The following RPRD1B variants were observed in gnomAD, a reference collection of about 807,000 sequenced individuals.
RPRD1B encodes regulation of nuclear pre-mRNA domain-containing protein 1B.
In RPRD1B, 11 loss-of-function variants were observed where a neutral mutation model predicts 41.5. The observed-to-expected ratio is 0.27, with a 90% CI of 0.17 to 0.44. The LOEUF is 0.44. Among genes scored for constraint, RPRD1B ranks in the 20% least tolerant of loss-of-function variants. The pLI is 1.00. For synonymous variants in RPRD1B, 158 were observed against 155.6 expected, an observed-to-expected ratio of 1.02 and a Z score of -0.12; for missense variants, 248 against 389.9, an observed-to-expected ratio of 0.64 and a Z score of 3.06.
rs114940492 is a variant in RPRD1B, at chr20:38,050,088, C to T, written c.415+1607C>T. ...CTTGTCTGGGCCCATGTGGTCATTC[C>T]CTCCTTGTTCTCTGGTACTTTATAC... On this transcript the variant is annotated intron_variant, in intron 3 of 6. Transcript: ENST00000373433. Among the ~76,000 whole-genome samples, 1,379 of 152,292 alleles carry T rather than the reference C, an allele frequency of 9.1e-3. 16 individuals are homozygous for T. The highest frequency in any genetic ancestry group is 0.03 in the African/African-American group (1,261 of 41,530).
intron 5 of RPRD1B, among the ~76,000 whole-genome samples, chr20:38,063,794 G>A (rs971952033): frequency 6.6e-6 from 1 of 152,214 alleles, no homozygotes; most frequent in Non-Finnish European, 1.5e-5. Flanking sequence ...AAGGAGAGCA[G>A]GGAGCGTGAG....
At chr20:38,082,673 C>T (rs1440972563) in intron 6 of RPRD1B, among the ~76,000 whole-genome samples, 1 of 152,202 alleles carries the variant, frequency 6.6e-6, no homozygotes, top group Admixed American at 6.5e-5. Flanking sequence ...AGGCGTGAGC[C>T]ACCACGCCCG....
At chr20:38,038,814 TA>T (rs2074033420) in intron 1 of RPRD1B, among the ~76,000 whole-genome samples, 3 of 152,168 alleles carry the variant, frequency 2.0e-5, no homozygotes, top group Admixed American at 2.0e-4. Flanking sequence ...AGCTACATTT[TA>T]AAATGTCAGA....
intron 4 of RPRD1B, among the ~76,000 whole-genome samples, chr20:38,059,104 T>TC (rs2074271712): frequency 6.6e-6 from 1 of 152,130 alleles, no homozygotes; most frequent in Admixed American, 6.6e-5. Context: ...TGAACCAAAC[T>TC]CCATTGTTTT....
chr20:38,070,789 A>G (rs902675612), intron 6 of RPRD1B: 182 of 915,930 alleles, frequency 2.0e-4, no homozygotes, highest in Non-Finnish European at 2.3e-4. Context: ...GCCCAGGGCT[A>G]GAGTGCAGTA....
chr20:38,086,689 T>G (rs1010577517), intron 6 of RPRD1B, among the ~76,000 whole-genome samples: 4 of 152,192 alleles, frequency 2.6e-5, no homozygotes, highest in African/African-American at 9.6e-5. Flanking sequence ...CCCTCTTTCT[T>G]TCTCTAGTGA....
At chr20:38,070,260 C>T (rs1482592501) in intron 6 of RPRD1B, 1 of 985,136 alleles carries the variant, frequency 1.0e-6, no homozygotes, top group Non-Finnish European at 1.2e-6. Flanking sequence ...GATGTTGGCC[C>T]TTAAACACCA....
At chr20:38,058,934 G>A (rs539064906) in intron 4 of RPRD1B, among the ~76,000 whole-genome samples, 1 of 151,984 alleles carries the variant, frequency 6.6e-6, no homozygotes, top group African/African-American at 2.4e-5. Context: ...GGCTGGTCTC[G>A]AACTCCTGGG....
intron 1 of RPRD1B, among the ~76,000 whole-genome samples, chr20:38,037,461 T>C (rs2074014631): frequency 6.6e-6 from 1 of 152,236 alleles, no homozygotes; most frequent in African/African-American, 2.4e-5. Context: ...ACAACTAGTT[T>C]GACCAGTTTG....
At chr20:38,045,581 A>T (rs2074112851) in intron 2 of RPRD1B, among the ~76,000 whole-genome samples, 1 of 152,310 alleles carries the variant, frequency 6.6e-6, no homozygotes, top group South Asian at 2.1e-4. Context: ...TTGTGGTTAT[A>T]ACAGGTTTGA....
At chr20:38,075,304 T>A (rs922204386) in intron 6 of RPRD1B, among the ~76,000 whole-genome samples, 1 of 152,258 alleles carries the variant, frequency 6.6e-6, no homozygotes, top group African/African-American at 2.4e-5. Context: ...CTATACAAGT[T>A]AAGGATTAGT....
intron 3 of RPRD1B, among the ~76,000 whole-genome samples, chr20:38,051,477 C>T (rs978389860): frequency 1.3e-5 from 2 of 152,170 alleles, no homozygotes; most frequent in Non-Finnish European, 2.9e-5. Context: ...TAGATCCTTA[C>T]AACTACTCTG....
In RPRD1B at chr20:38,081,730, A is replaced by T. The variant is rs1240744648; in HGVS notation, c.832-7996A>T. 5.3e-5 allele frequency among the ~76,000 whole-genome samples: 8 copies of T among 152,292 alleles called. No homozygotes were observed. The South Asian group carries it at 1.7e-3, about 32-fold the overall frequency. On this transcript the variant is annotated intron_variant, in intron 6 of 6. Transcript: ENST00000373433. ...TATTATTTTGAGGTATGTTCCTTCG[A>T]TGCCTAGTTTGTTGAGGACTCTTAA...
Position 38,089,932 on chromosome 20 carries a change from A to G in RPRD1B, c.*57A>G. 2.8e-5 allele frequency: 45 copies of G among 1,586,184 alleles called. No homozygotes were observed. In the South Asian group the frequency reaches 4.5e-4, roughly 16 times the overall value. ...ACCAGCAGAAAGAAGAGGGCAAGTC[A>G]TGGTTGGAAATAACCTTCTAGCCCC... is the stretch of plus-strand genomic sequence containing the variant. On this transcript the variant is annotated 3_prime_UTR_variant, in exon 7 of 7. Coordinates refer to ENST00000373433, the MANE Select transcript of RPRD1B (RefSeq NM_021215.4).
chr20:38,090,171 C>T lies in RPRD1B; in HGVS notation c.*296C>T. 4 of 1,074,966 alleles carry T rather than the reference C, an allele frequency of 3.7e-6. No homozygotes were observed. Among genetic ancestry groups the T allele is most frequent in the Non-Finnish European group, 3.4e-6 (3 of 887,442 alleles). The allele number at this position is 1,074,966 out of a possible 1,614,324, so 66.6% of individuals were successfully genotyped here. A position where few individuals can be genotyped will look rare whatever the true frequency, so the allele number is the denominator to read the frequency against. On this transcript the variant is annotated 3_prime_UTR_variant, in exon 7 of 7. Transcript: ENST00000373433. Reference sequence around the variant, plus strand: ...TTCCATTCTTAACTGTCTCCTTATACCTAAGAAGTTATGAAAATCATGTGT... The same window carrying T: ...TTCCATTCTTAACTGTCTCCTTATATCTAAGAAGTTATGAAAATCATGTGT...
At chr20:38,049,457 G>A (rs1473547423) in intron 3 of RPRD1B, among the ~76,000 whole-genome samples, 3 of 128,040 alleles carry the variant, frequency 2.3e-5, no homozygotes, top group African/African-American at 6.1e-5. Context: ...TGCAACCTCC[G>A]CCTCCCGGGT....
chr20:38,073,677 TG>T (rs2074432472), intron 6 of RPRD1B, among the ~76,000 whole-genome samples: 1 of 152,190 alleles, frequency 6.6e-6, no homozygotes, highest in Non-Finnish European at 1.5e-5. Flanking sequence ...TTGTCAACTT[TG>T]GAGTAAATTC....
chr20:38,048,283 GGTCT>G, intron 2 of RPRD1B, 61 bp from the exon 3 acceptor site: 3 of 1,465,268 alleles, frequency 2.0e-6, no homozygotes, highest in South Asian at 2.7e-5. Context: ...TTTTTAAGTA[GGTCT>G]GTCCTAATTA....
chr20:38,066,322 T>G, intron 6 of RPRD1B, 66 bp downstream of exon 6: 1 of 1,434,678 alleles, frequency 7.0e-7, no homozygotes, highest in Admixed American at 2.1e-5. Context: ...ATTAGGAGGT[T>G]TTTATTATGC....
Sources: allele counts gnomAD v4.1 joint callset (sites outside exome capture counted in the v4.1 genomes callset), GRCh38; gene constraint gnomAD v4.1.1; transcripts MANE v1.5; gene names NCBI Gene and HGNC (gene_info 2026-07-23, HGNC 2026-07-21).